Variants in NRXN3 observed in about 807,000 individuals in gnomAD.
NRXN3 encodes the protein neurexin III.
A neutral mutation model predicts 137.6 loss-of-function variants in NRXN3; 32 were observed. That is an observed-to-expected ratio of 0.23 (90% CI 0.18 to 0.31). The LOEUF is 0.31. Among genes scored for constraint, NRXN3 ranks in the 10% least tolerant of loss-of-function variants. NRXN3 has a pLI of 1.00. For missense variants in NRXN3, 1,574 were observed against 2,062.5 expected, an observed-to-expected ratio of 0.76 and a Z score of 4.59; for synonymous variants, 798 against 784.5, an observed-to-expected ratio of 1.02 and a Z score of -0.29.
intron 20 of NRXN3, among the ~76,000 whole-genome samples, chr14:79,858,980 AAAAAAG>A (rs376318681): frequency 0.027 from 1,307 of 48,458 alleles, 16 homozygotes; most frequent in Middle Eastern, 0.047. Context: ...CACAATGTAA[AAAAAAG>A]AAAAAAAAAA....
chr14:79,640,463 C>G (rs2098426678), intron 16 of NRXN3, among the ~76,000 whole-genome samples: 1 of 135,632 alleles, frequency 7.4e-6, no homozygotes, highest in South Asian at 2.3e-4. Context: ...ACACTTTTTG[C>G]ACCATGATGT....
At chr14:78,888,351 A>G (rs959846378) in intron 10 of NRXN3, among the ~76,000 whole-genome samples, 1 of 151,644 alleles carries the variant, frequency 6.6e-6, no homozygotes, top group African/African-American at 2.4e-5. Context: ...GAGTATCCAG[A>G]ATGAGTTTGG....
intron 16 of NRXN3, among the ~76,000 whole-genome samples, chr14:79,613,462 C>T (rs534090792): frequency 4.7e-4 from 71 of 152,328 alleles, no homozygotes; most frequent in African/African-American, 1.7e-3. Context: ...ACACTTCCAG[C>T]TCCTCAGACC....
intron 8 of NRXN3, among the ~76,000 whole-genome samples, chr14:78,789,239 A>G (rs191418621): frequency 3.7e-4 from 56 of 152,316 alleles, no homozygotes; most frequent in African/African-American, 1.2e-3. Flanking sequence ...ATTGACTAAT[A>G]TCTAAACTTC....
chr14:78,849,224 T>C (rs1433291482), intron 10 of NRXN3, among the ~76,000 whole-genome samples: 3 of 152,098 alleles, frequency 2.0e-5, no homozygotes, highest in South Asian at 2.1e-4. Flanking sequence ...TGACCATTTT[T>C]CCCAATCTGT....
intron 4 of NRXN3, among the ~76,000 whole-genome samples, chr14:78,458,140 T>G (rs887184512): frequency 2.0e-5 from 3 of 152,176 alleles, no homozygotes; most frequent in African/African-American, 7.2e-5. Context: ...GTCTCTATCT[T>G]TGTTATACTG....
intron 16 of NRXN3, chr14:79,611,894 C>T (rs1320467268): frequency 6.6e-6 from 1 of 152,150 alleles, no homozygotes; most frequent in Non-Finnish European, 1.5e-5. Context: ...TAGCATAATA[C>T]TTGGAATATA....
intron 16 of NRXN3, among the ~76,000 whole-genome samples, chr14:79,553,304 A>AGG (rs2097394570): frequency 6.6e-6 from 1 of 151,910 alleles, no homozygotes; most frequent in Admixed American, 6.6e-5. Context: ...GAGGGAGGGA[A>AGG]GGGGAAGGGG....
chr14:78,841,667 T>G (rs1351154758), intron 10 of NRXN3, among the ~76,000 whole-genome samples: 1 of 152,132 alleles, frequency 6.6e-6, no homozygotes, highest in Non-Finnish European at 1.5e-5. Context: ...TTTTTGTTTT[T>G]TCACTCTCCC....
In NRXN3 at chr14:78,448,362, A is replaced by G. The variant is rs191833085; in HGVS notation, c.757+150502A>G. 2.6e-5 allele frequency among the ~76,000 whole-genome samples: 4 copies of G among 152,364 alleles called. No individual in the cohort carries two copies. In the East Asian group the frequency reaches 5.8e-4, roughly 22 times the overall value. On this transcript the variant is annotated intron_variant, in intron 4 of 20. Coordinates refer to ENST00000335750, the MANE Select transcript of NRXN3 (RefSeq NM_001330195.2). The stretch of plus-strand genomic sequence containing the variant: ...GGCCTTAGGCTTTTGTAAAAATACA[A>G]GCGTTGCTGGAGGAGGTGACTCAAT...
At chr14:79,375,316 T>C (rs1347890135) in intron 15 of NRXN3, among the ~76,000 whole-genome samples, 2 of 151,044 alleles carry the variant, frequency 1.3e-5, no homozygotes, top group Non-Finnish European at 2.9e-5. Flanking sequence ...TACCCTTTTT[T>C]CATAGAACAA....
intron 8 of NRXN3, among the ~76,000 whole-genome samples, chr14:78,762,360 G>T (rs1408070387): frequency 6.6e-6 from 1 of 152,176 alleles, no homozygotes; most frequent in Admixed American, 6.6e-5. Context: ...GGGAGACGGA[G>T]TTAGGTAAGG....
rs139957495 is a variant in NRXN3 at position 78,756,158 on chromosome 14, C to G, written c.2044+41019C>G. On this transcript the variant is annotated intron_variant, in intron 8 of 20. Transcript: ENST00000335750. ...GTATTTTGTGTGGAAAGTATAATAT[C>G]CAAGAAAAACCATTTTCATATTTTT... Among the ~76,000 whole-genome samples the G allele has an allele frequency of 5.6e-3, 847 of 152,122 alleles. 2 individuals are homozygous for G. The highest frequency in any genetic ancestry group is 8.7e-3 in the Non-Finnish European group (594 of 67,988).
chr14:79,025,236 C>T (rs888930364), intron 15 of NRXN3, among the ~76,000 whole-genome samples: 4 of 152,086 alleles, frequency 2.6e-5, no homozygotes, highest in African/African-American at 9.7e-5. Context: ...GTTGGTCCTC[C>T]AGACTCCAAA....
At chr14:78,728,611 G>A (rs1193939211) in intron 8 of NRXN3, among the ~76,000 whole-genome samples, 6 of 152,158 alleles carry the variant, frequency 3.9e-5, no homozygotes, top group East Asian at 1.9e-4. Context: ...TTGTGGGGGC[G>A]GTGGGGAGGT....
At chr14:79,103,342 G>A (rs192376028) in intron 15 of NRXN3, among the ~76,000 whole-genome samples, 1 of 152,298 alleles carries the variant, frequency 6.6e-6, no homozygotes, top group Non-Finnish European at 1.5e-5. Flanking sequence ...GATGGTTGAA[G>A]GGAATAAGAA....
intron 16 of NRXN3, among the ~76,000 whole-genome samples, chr14:79,472,367 G>C (rs1024762709): frequency 6.6e-5 from 10 of 152,156 alleles, no homozygotes; most frequent in African/African-American, 2.4e-4. Flanking sequence ...ACAGGCCTTT[G>C]GTCATTTTAA....
chr14:78,938,474 G>A (rs1340506350), intron 10 of NRXN3, among the ~76,000 whole-genome samples: 1 of 152,104 alleles, frequency 6.6e-6, no homozygotes, highest in Admixed American at 6.5e-5. Context: ...TGATCATGGT[G>A]GGCTATTATC....
intron 19 of NRXN3, among the ~76,000 whole-genome samples, chr14:79,709,438 C>T (rs773902257): frequency 1.3e-5 from 2 of 152,128 alleles, no homozygotes; most frequent in African/African-American, 4.8e-5. Flanking sequence ...GCCCCTTCTT[C>T]CTGTCCCTTA....
Sources: allele counts gnomAD v4.1 joint callset (sites outside exome capture counted in the v4.1 genomes callset), GRCh38; gene constraint gnomAD v4.1.1; transcripts MANE v1.5; gene names NCBI Gene and HGNC (gene_info 2026-07-23, HGNC 2026-07-21).